STAT5B: variants seen among roughly 807,000 people sequenced by gnomAD.
STAT5B encodes signal transducer and activator of transcription 5B.
STAT5B carries 21 observed loss-of-function variants against 107.8 expected under a neutral mutation model. The ratio of observed to expected loss-of-function variants is 0.19; its 90% confidence interval spans 0.14 to 0.28. STAT5B has a LOEUF of 0.28. Among genes scored for constraint, STAT5B ranks in the 10% least tolerant of loss-of-function variants. STAT5B has a pLI of 1.00. For synonymous variants in STAT5B, 325 were observed against 401.7 expected (o/e 0.81, Z 2.28); for missense variants, 565 against 1,008.2 (o/e 0.56, Z 5.95).
chr17:42,250,624 T>C (rs1407911017), intron 1 of STAT5B, among the ~76,000 whole-genome samples: 3 of 152,126 alleles, frequency 2.0e-5, no homozygotes, highest in Non-Finnish European at 4.4e-5. Context: ...AGTGGTTTAC[T>C]TATTGAAAAT....
intron 1 of STAT5B, among the ~76,000 whole-genome samples, chr17:42,253,285 T>C (rs991380089): frequency 1.3e-5 from 2 of 152,210 alleles, no homozygotes; most frequent in Non-Finnish European, 2.9e-5. Context: ...AATGAAAATA[T>C]AGTCTTGACT....
At chr17:42,205,082 C>T (rs2144202519) in intron 16 of STAT5B, among the ~76,000 whole-genome samples, 1 of 152,218 alleles carries the variant, frequency 6.6e-6, no homozygotes, top group Middle Eastern at 3.4e-3. Flanking sequence ...GGCTGGAGTG[C>T]AGTGGTGTGA....
chr17:42,206,386 G>A (rs565337314), intron 16 of STAT5B, among the ~76,000 whole-genome samples: 4 of 151,984 alleles, frequency 2.6e-5, no homozygotes, highest in East Asian at 1.9e-4. Context: ...CACCGCGCCC[G>A]GCCTGAATAT....
chr17:42,204,606 G>T (rs1171774156), intron 16 of STAT5B, among the ~76,000 whole-genome samples: 1 of 152,160 alleles, frequency 6.6e-6, no homozygotes, highest in Non-Finnish European at 1.5e-5. Flanking sequence ...AAGAAATGCT[G>T]CCAGAAATAG....
At chr17:42,229,572 C>T (rs747461351) in intron 2 of STAT5B, among the ~76,000 whole-genome samples, 3 of 151,170 alleles carry the variant, frequency 2.0e-5, no homozygotes, top group Non-Finnish European at 4.4e-5. Context: ...ATGGCTTAAA[C>T]ATAAAGAACT....
chr17:42,240,772 T>C (rs747320023), intron 1 of STAT5B, among the ~76,000 whole-genome samples: 3 of 152,206 alleles, frequency 2.0e-5, no homozygotes, highest in Admixed American at 6.5e-5. Flanking sequence ...TGCATGCATG[T>C]TGAGGACTTA....
chr17:42,210,990 C>T lies in STAT5B; in HGVS notation c.1681-493G>A, dbSNP rs57801970. Among the ~76,000 whole-genome samples, 68 of 152,080 alleles carry T rather than the reference C, an allele frequency of 4.5e-4. 2 individuals carry two copies. The East Asian group carries it at 0.013, about 29-fold the overall frequency. ...CTGAGGTAGGCAGATCACTTGAGGT[C>T]AGGAGTTTGAGACCATCCTGGCCAA... On this transcript the variant is annotated intron_variant, in intron 13 of 18. Transcript: ENST00000293328.
At chr17:42,263,873 A>ACACACG (rs2080641703) in intron 1 of STAT5B, among the ~76,000 whole-genome samples, 1 of 17,974 alleles carries the variant, frequency 5.6e-5, no homozygotes, top group African/African-American at 1.4e-4. Context: ...GAAAGCGCGC[A>ACACACG]CACACACACA....
chr17:42,285,994 T>C, the STAT5B span, among the ~76,000 whole-genome samples: 1 of 151,330 alleles, frequency 6.6e-6, no homozygotes, highest in South Asian at 2.1e-4. Context: ...CCGAGGCGGG[T>C]GGATCACCTG....
At chr17:42,235,910 T>C (rs1481275595) in intron 1 of STAT5B, among the ~76,000 whole-genome samples, 1 of 152,182 alleles carries the variant, frequency 6.6e-6, no homozygotes, top group Non-Finnish European at 1.5e-5. Context: ...GTCAAGCATA[T>C]TTAGGAGCCT....
At chr17:42,218,907 G>C (rs1219519323) in intron 7 of STAT5B, 29 bp from the exon 8 acceptor site, 2 of 1,613,836 alleles carry the variant, frequency 1.2e-6, no homozygotes, top group South Asian at 2.2e-5. Context: ...GCCAACAGGA[G>C]GACAATGGCT....
At chr17:42,261,112 C>T (rs369662632) in intron 1 of STAT5B, among the ~76,000 whole-genome samples, 27 of 151,264 alleles carry the variant, frequency 1.8e-4, no homozygotes, top group Middle Eastern at 3.4e-3. Flanking sequence ...TCTCACCAAG[C>T]GGGCCAGGCT....
chr17:42,262,859 C>T (rs866381714), intron 1 of STAT5B, among the ~76,000 whole-genome samples: 15 of 114,544 alleles, frequency 1.3e-4, no homozygotes, highest in African/African-American at 4.0e-4. Flanking sequence ...TATATACACA[C>T]ATATATGTGT....
At chr17:42,277,339 C>T (rs1318094390), upstream of STAT5B, among the ~76,000 whole-genome samples, 1 of 152,118 alleles carries the variant, frequency 6.6e-6, no homozygotes, top group Non-Finnish European at 1.5e-5. Flanking sequence ...GAGAAGGACC[C>T]CTCCCGCCCC....
chr17:42,255,765 A>G (rs2080538253), intron 1 of STAT5B, among the ~76,000 whole-genome samples: 4 of 152,232 alleles, frequency 2.6e-5, no homozygotes, highest in African/African-American at 7.2e-5. Context: ...CAACAATGTG[A>G]ATGTGCTTAA....
In STAT5B at chr17:42,219,511, C is replaced by T. The variant is rs537707188; in HGVS notation, c.682-48G>A. Reference sequence around the variant, plus strand: ...CCCCTTCTGGGCTCCCAGAGAACACCGCAGGGCCTCGCTGGGAAATGGCAG... The same window carrying T: ...CCCCTTCTGGGCTCCCAGAGAACACTGCAGGGCCTCGCTGGGAAATGGCAG... On this transcript the variant is annotated intron_variant, in intron 6 of 18. Transcript: ENST00000293328. The T allele has an allele frequency of 7.8e-4, 928 of 1,195,898 alleles. 8 individuals are homozygous for T. The African/African-American group carries it at 9.5e-3, about 12-fold the overall frequency. The allele number at this position is 1,195,898 out of a possible 1,614,324, so 74.1% of individuals were successfully genotyped here.
intron 5 of STAT5B, among the ~76,000 whole-genome samples, chr17:42,221,772 C>T (rs966291744): frequency 1.3e-5 from 2 of 152,130 alleles, no homozygotes; most frequent in African/African-American, 4.8e-5. Context: ...CCTCAGGGTA[C>T]AGAGATAAAA....
chr17:42,246,805 T>A (rs1053855267), intron 1 of STAT5B, among the ~76,000 whole-genome samples: 1 of 151,990 alleles, frequency 6.6e-6, no homozygotes, highest in Non-Finnish European at 1.5e-5. Flanking sequence ...AACAAACACA[T>A]CCCTTACCTC....
intron 5 of STAT5B, among the ~76,000 whole-genome samples, chr17:42,222,033 G>A (rs903197149): frequency 2.1e-5 from 3 of 144,384 alleles, no homozygotes; most frequent in African/African-American, 7.7e-5. Flanking sequence ...TGTGTGTGGT[G>A]TGGTGTGTGT....
Sources: gnomAD v4.1 joint callset for allele counts (sites outside exome capture counted in the v4.1 genomes callset) on GRCh38, gnomAD v4.1.1 for gene constraint, MANE v1.5 for transcripts, NCBI Gene and HGNC (gene_info 2026-07-23, HGNC 2026-07-21) for gene names.